Variants in GNAI1 observed in about 807,000 individuals in gnomAD.
GNAI1 encodes guanine nucleotide-binding protein G(i) subunit alpha-1.
A neutral mutation model predicts 38.9 loss-of-function variants in GNAI1; 11 were observed. The ratio of observed to expected loss-of-function variants is 0.28; its 90% CI spans 0.18 to 0.47. GNAI1 has a LOEUF of 0.47. Among genes scored for constraint, GNAI1 ranks in the 20% least tolerant of loss-of-function variants. GNAI1 has a pLI of 0.99. For missense variants in GNAI1, 317 were observed against 436.9 expected (o/e 0.73, Z 2.45); for synonymous variants, 166 against 145.1 (o/e 1.14, Z -1.04).
At chr7:80,136,040 CTGCCACCGTTTCTGA>C (rs1267151072) in intron 1 of GNAI1, 1 of 985,390 alleles carries the variant, frequency 1.0e-6, no homozygotes, top group African/African-American at 1.7e-5. Flanking sequence ...TCTGTCTCCG[CTGCCACCGTTTCTGA>C]TGAATGAGAT....
At chr7:80,199,783 G>A (rs936993314) in intron 4 of GNAI1, among the ~76,000 whole-genome samples, 3 of 152,142 alleles carry the variant, frequency 2.0e-5, no homozygotes, top group African/African-American at 7.2e-5. Flanking sequence ...CCTGAGAAGA[G>A]TTACTTGTCC....
chr7:80,186,292 A>G (rs992306818), intron 1 of GNAI1, among the ~76,000 whole-genome samples: 1 of 151,954 alleles, frequency 6.6e-6, no homozygotes, highest in Non-Finnish European at 1.5e-5. Context: ...CAGCCTCCCA[A>G]AGTGCTGGGA....
rs1228463840 is a variant in GNAI1 at position 80,220,995 on chromosome 7, A to T, written c.*3502A>T. On this transcript the variant is annotated 3_prime_UTR_variant, in exon 8 of 8. Coordinates refer to ENST00000649796, the MANE Select transcript of GNAI1 (RefSeq NM_002069.6). ...TAGATGTGAAGCTACTTAAGAGCAC[A>T]GTTACCATTTTTTACATCATTTGCC... 2.6e-5 allele frequency among the ~76,000 whole-genome samples: 4 copies of T among 152,234 alleles called. No individual in the cohort carries two copies. The East Asian group carries it at 7.7e-4, about 29-fold the overall frequency.
chr7:80,180,487 T>G (rs1439776513), intron 1 of GNAI1, among the ~76,000 whole-genome samples: 1 of 152,166 alleles, frequency 6.6e-6, no homozygotes, highest in African/African-American at 2.4e-5. Context: ...TTCCCACATC[T>G]TTTTCTACCT....
At position 80,224,391 on chromosome 7, in the gene GNAI1, C is replaced by T. The variant is rs908123648; in HGVS notation, c.*6898C>T. On this transcript the variant is annotated 3_prime_UTR_variant, in exon 8 of 8. Transcript: ENST00000649796. ...TGGGTGTAAAATCTAGAGTTAAGAC[C>T]TTTGTTAGCCATATCTTCAAAATCC... Among the ~76,000 whole-genome samples, 2 of 151,926 alleles carry T rather than the reference C, an allele frequency of 1.3e-5. No individual in the cohort carries two copies. The highest frequency in any genetic ancestry group is 4.8e-5 in the African/African-American group (2 of 41,356).
In GNAI1 at chr7:80,218,767, A is replaced by G; in HGVS notation, c.*1274A>G. 6.6e-6 allele frequency: 1 copy of G among 152,118 alleles called. No individual in the cohort carries two copies. Among genetic ancestry groups the G allele is most frequent in the East Asian group, 1.9e-4 (1 of 5,192 alleles). The allele number at this position is 152,118 out of a possible 1,614,324, so 9.4% of individuals were successfully genotyped here. ...TGAAATGGACGATTACACTTAGAAA[A>G]TGAGTAATAGTGTTTAATAAGTCAG... On this transcript the variant is annotated 3_prime_UTR_variant, in exon 8 of 8. Transcript: ENST00000649796.
At chr7:80,199,898 G>T (rs73149596) in intron 4 of GNAI1, among the ~76,000 whole-genome samples, 7 of 152,076 alleles carry the variant, frequency 4.6e-5, no homozygotes, top group Admixed American at 3.9e-4. Context: ...TGTCAGTTGT[G>T]TGTGTGCCCT....
intron 1 of GNAI1, among the ~76,000 whole-genome samples, chr7:80,162,661 C>T (rs556961487): frequency 6.6e-6 from 1 of 152,314 alleles, no homozygotes; most frequent in African/African-American, 2.4e-5. Context: ...CGAAGAAACC[C>T]TCCTTGGGTT....
intron 1 of GNAI1, among the ~76,000 whole-genome samples, chr7:80,145,941 G>C (rs1409545751): frequency 6.6e-6 from 1 of 152,034 alleles, no homozygotes; most frequent in Non-Finnish European, 1.5e-5. Context: ...GTTCTCAGCT[G>C]TTTCGAGTGC....
intron 5 of GNAI1, among the ~76,000 whole-genome samples, chr7:80,205,599 T>A (rs1440539064): frequency 1.3e-5 from 2 of 150,734 alleles, no homozygotes; most frequent in Non-Finnish European, 3.0e-5. Flanking sequence ...GATTTTTTTT[T>A]AAGATTATGT....
intron 5 of GNAI1, among the ~76,000 whole-genome samples, chr7:80,209,423 G>A (rs1179651268): frequency 6.6e-6 from 1 of 152,170 alleles, no homozygotes; most frequent in Non-Finnish European, 1.5e-5. Context: ...GCCAGTTTTA[G>A]CCTGTAGAGT....
Position 80,164,084 on chromosome 7 carries a change from C to T in GNAI1, c.119-24867C>T, listed in dbSNP as rs1208973810. On this transcript the variant is annotated intron_variant, in intron 1 of 7. Transcript: ENST00000649796. ...TTGTGGGGACTGAGTCTCTCTCTGT[C>T]ACCAGGCTGGAGTGCAGTGGCGTGA... 7.9e-4 allele frequency among the ~76,000 whole-genome samples: 97 copies of T among 123,170 alleles called. 1 individual carries two copies. In the Admixed American group the frequency reaches 0.01, roughly 13 times the overall value. The allele number at this position is 123,170 out of a possible 152,430, so 80.8% of individuals were successfully genotyped here.
rs866890840 is a variant in GNAI1, at chr7:80,223,619, G to A, written c.*6126G>A. 1.3e-4 allele frequency among the ~76,000 whole-genome samples: 20 copies of A among 152,122 alleles called. No individual in the cohort carries two copies. The highest frequency in any genetic ancestry group is 6.8e-3 in the Middle Eastern group (2 of 294). Reference sequence around the variant, plus strand: ...ATCAATTTTGTAGCTTGTGGAATGCGGACTATCCCAGCAGCAAATTCATTA... The same window carrying A: ...ATCAATTTTGTAGCTTGTGGAATGCAGACTATCCCAGCAGCAAATTCATTA... On this transcript the variant is annotated 3_prime_UTR_variant, in exon 8 of 8. Transcript: ENST00000649796.
intron 1 of GNAI1, among the ~76,000 whole-genome samples, chr7:80,145,790 A>G (rs560436301): frequency 6.6e-6 from 1 of 152,250 alleles, no homozygotes; most frequent in East Asian, 1.9e-4. Flanking sequence ...GTGAGCATAT[A>G]TTAAGCAGTA....
At chr7:80,182,740 G>A (rs1017536592) in intron 1 of GNAI1, among the ~76,000 whole-genome samples, 6 of 121,274 alleles carry the variant, frequency 4.9e-5, no homozygotes, top group African/African-American at 1.3e-4. Flanking sequence ...AGATTGAAAA[G>A]ACAAAAGACC....
intron 7 of GNAI1, among the ~76,000 whole-genome samples, chr7:80,213,315 A>C (rs189582432): frequency 3.9e-4 from 60 of 152,290 alleles, no homozygotes; most frequent in African/African-American, 1.4e-3. Flanking sequence ...TCATTGAGGC[A>C]GCTAACTCTT....
intron 1 of GNAI1, among the ~76,000 whole-genome samples, chr7:80,146,933 A>G (rs17153487): frequency 0.046 from 6,968 of 152,264 alleles, 277 homozygotes; most frequent in African/African-American, 0.11. Context: ...TTTTATAGTT[A>G]AACTTCTTCT....
chr7:80,182,517 A>C (rs968309697), intron 1 of GNAI1, among the ~76,000 whole-genome samples: 4 of 152,176 alleles, frequency 2.6e-5, no homozygotes, highest in African/African-American at 7.2e-5. Flanking sequence ...AGAATGTCAG[A>C]TATCTCCCAT....
chr7:80,169,308 T>C (rs1468242), intron 1 of GNAI1, among the ~76,000 whole-genome samples: 66,713 of 152,082 alleles, frequency 0.44, 15,594 homozygotes, highest in African/African-American at 0.61. Context: ...TGGAGACTTA[T>C]AGGCTAAAAT....
Sources: gnomAD v4.1 joint callset for allele counts (sites outside exome capture counted in the v4.1 genomes callset) on GRCh38, gnomAD v4.1.1 for gene constraint, MANE v1.5 for transcripts, NCBI Gene and HGNC (gene_info 2026-07-23, HGNC 2026-07-21) for gene names.